The following CLRN1 variants were observed in gnomAD, a reference collection of about 807,000 sequenced individuals.
CLRN1 encodes clarin-1.
A neutral mutation model predicts 18.7 loss-of-function variants in CLRN1; 15 were observed. The observed-to-expected ratio is 0.80, with a 90% CI of 0.54 to 1.23. The LOEUF is 1.23. Among genes scored for constraint, CLRN1 ranks in the 50% most tolerant of loss-of-function variants. The probability of loss-of-function intolerance (pLI) is 0.00; values close to 1 mark genes in which losing one functional copy is unlikely to be tolerated. For synonymous variants in CLRN1, 104 were observed against 102.9 expected, an observed-to-expected ratio of 1.01 and a Z score of -0.07; for missense variants, 311 against 277.5, an observed-to-expected ratio of 1.12 and a Z score of -0.86.
At chr3:150,957,374 A>G (rs1714795167) in intron 1 of CLRN1, among the ~76,000 whole-genome samples, 1 of 152,022 alleles carries the variant, frequency 6.6e-6, no homozygotes, top group Non-Finnish European at 1.5e-5. Context: ...ATGATCTCCC[A>G]GTCCCTCCTT....
At chr3:150,968,812 G>C (rs1180203531) in intron 1 of CLRN1, among the ~76,000 whole-genome samples, 1 of 152,072 alleles carries the variant, frequency 6.6e-6, no homozygotes, top group Non-Finnish European at 1.5e-5. Flanking sequence ...CAATACAGTA[G>C]CCATAAAAAT....
chr3:150,955,802 T>G (rs766883869), intron 1 of CLRN1, among the ~76,000 whole-genome samples: 1 of 152,206 alleles, frequency 6.6e-6, no homozygotes, highest in African/African-American at 2.4e-5. Context: ...TGTTAGTTTG[T>G]CCCAAAGCCC....
At chr3:150,963,468 T>A (rs1201949332) in intron 1 of CLRN1, among the ~76,000 whole-genome samples, 1 of 152,110 alleles carries the variant, frequency 6.6e-6, no homozygotes, top group Non-Finnish European at 1.5e-5. Context: ...AGAATTAATA[T>A]CATGAAAATG....
intron 1 of CLRN1, chr3:150,945,646 C>T: frequency 7.8e-7 from 1 of 1,283,972 alleles, no homozygotes; most frequent in South Asian, 1.2e-5. Context: ...GGTCATTTGA[C>T]TGCTGATGTT....
In CLRN1 at chr3:150,927,416, C is replaced by CCTAAATAAGGTGAGTCACACCTCACCTTA; in HGVS notation, c.*519_*520insTAAGGTGAGGTGTGACTCACCTTATTTAG. ...CTGGAATTACAGGTGTGAGTCACCACGCCTGGCCTAAGAGTATACTTTAAA... is the reference window on the plus strand; with the variant it reads ...CTGGAATTACAGGTGTGAGTCACCACCTAAATAAGGTGAGTCACACCTCACCTTAGCCTGGCCTAAGAGTATACTTTAAA... On this transcript the variant is annotated 3_prime_UTR_variant, in exon 3 of 3. Coordinates refer to ENST00000327047, the MANE Select transcript of CLRN1 (RefSeq NM_174878.3). 2.2e-6 allele frequency: 1 copy of CCTAAATAAGGTGAGTCACACCTCACCTTA among 450,160 alleles called. No homozygotes were observed. Among genetic ancestry groups the CCTAAATAAGGTGAGTCACACCTCACCTTA allele is most frequent in the South Asian group, 1.6e-5 (1 of 63,310 alleles). The allele number at this position is 450,160 out of a possible 1,614,324, so 27.9% of individuals were successfully genotyped here.
At chr3:150,940,096 T>C (rs563396981) in intron 2 of CLRN1, among the ~76,000 whole-genome samples, 2 of 152,354 alleles carry the variant, frequency 1.3e-5, no homozygotes, top group South Asian at 2.1e-4. Flanking sequence ...CAAATTCATA[T>C]TGAATTGTCT....
intron 1 of CLRN1, among the ~76,000 whole-genome samples, chr3:150,950,417 A>G (rs1714419254): frequency 6.6e-6 from 1 of 152,242 alleles, no homozygotes; most frequent in Admixed American, 6.5e-5. Flanking sequence ...TATACATCTG[A>G]CAAAGGTCTA....
intron 2 of CLRN1, among the ~76,000 whole-genome samples, chr3:150,941,102 G>A (rs913978650): frequency 1.2e-4 from 18 of 151,124 alleles, no homozygotes; most frequent in African/African-American, 3.2e-4. Context: ...AGACAACCAC[G>A]ACCAACAGAT....
At chr3:150,934,476 A>T (rs1332693751) in intron 2 of CLRN1, among the ~76,000 whole-genome samples, 1 of 152,196 alleles carries the variant, frequency 6.6e-6, no homozygotes, top group Non-Finnish European at 1.5e-5. Flanking sequence ...AAATGGTAAC[A>T]AATACAATTT....
intron 2 of CLRN1, among the ~76,000 whole-genome samples, chr3:150,932,686 T>G (rs183930602): frequency 6.6e-6 from 1 of 152,216 alleles, no homozygotes; most frequent in Admixed American, 6.5e-5. Context: ...TCTAAAATTA[T>G]GTAAATGTCA....
intron 1 of CLRN1, among the ~76,000 whole-genome samples, chr3:150,947,033 T>C (rs1299271709): frequency 1.3e-5 from 2 of 151,904 alleles, no homozygotes; most frequent in African/African-American, 4.8e-5. Flanking sequence ...GAGTATTAGA[T>C]GATATTTTAT....
intron 1 of CLRN1, among the ~76,000 whole-genome samples, chr3:150,949,022 G>C (rs778996156): frequency 2.3e-4 from 35 of 152,100 alleles, no homozygotes; most frequent in African/African-American, 7.0e-4. Flanking sequence ...AATCAAGTAG[G>C]CTTCATCCCT....
chr3:150,943,377 A>G (rs1039529763), intron 1 of CLRN1, among the ~76,000 whole-genome samples: 8 of 152,298 alleles, frequency 5.3e-5, no homozygotes, highest in Middle Eastern at 3.4e-3. Context: ...TCCTCTGCCT[A>G]TAAATACCCC....
chr3:150,948,026 A>C (rs1351258174), intron 1 of CLRN1, among the ~76,000 whole-genome samples: 1 of 152,206 alleles, frequency 6.6e-6, no homozygotes, highest in Non-Finnish European at 1.5e-5. Flanking sequence ...AAGCTAGCAC[A>C]AGACAAGAAA....
rs1456739159 is a variant in CLRN1 at position 150,927,071 on chromosome 3, T to A, written c.*865A>T. On this transcript the variant is annotated 3_prime_UTR_variant, in exon 3 of 3. Coordinates refer to ENST00000327047, the MANE Select transcript of CLRN1 (RefSeq NM_174878.3). ...CCCTAATAAGTCATTTTGCATCAAA[T>A]GTACTAAGCAGAGATCATTTTTCAT... 3 of 895,098 alleles carry A rather than the reference T, an allele frequency of 3.4e-6. No individual in the cohort carries two copies. Among genetic ancestry groups the A allele is most frequent in the Non-Finnish European group, 5.3e-6 (3 of 563,342 alleles). The allele number at this position is 895,098 out of a possible 1,614,324, so 55.4% of individuals were successfully genotyped here.
chr3:150,945,377 T>G (rs1178704970), intron 1 of CLRN1, among the ~76,000 whole-genome samples: 1 of 151,750 alleles, frequency 6.6e-6, no homozygotes, highest in Non-Finnish European at 1.5e-5. Context: ...CAAGGAGGAG[T>G]AAGTAGTCAT....
downstream of CLRN1, chr3:150,926,496 T>G (rs756724367): frequency 4.4e-5 from 18 of 409,420 alleles, no homozygotes; most frequent in Non-Finnish European, 7.3e-5. Flanking sequence ...AAAAATCCCC[T>G]TTGTGGCTAG....
chr3:150,927,631 T>TACACAC lies in CLRN1; in HGVS notation c.*299_*304dup, dbSNP rs34027634. 50 of 473,314 alleles carry TACACAC rather than the reference T, an allele frequency of 1.1e-4. No homozygotes were observed. Among genetic ancestry groups the TACACAC allele is most frequent in the African/African-American group, 7.0e-4 (35 of 50,026 alleles). The allele number at this position is 473,314 out of a possible 1,614,324, so 29.3% of individuals were successfully genotyped here. A position where few individuals can be genotyped will look rare whatever the true frequency, so the allele number is the denominator to read the frequency against. On this transcript the variant is annotated 3_prime_UTR_variant, in exon 3 of 3. Coordinates refer to ENST00000327047, the MANE Select transcript of CLRN1 (RefSeq NM_174878.3). ...ATATCTTTTTGATAGGAAGACATCT[T>TACACAC]ACACACACACACACACACACACACA... is the stretch of plus-strand genomic sequence containing the variant.
At chr3:150,951,156 G>A (rs1290054292) in intron 1 of CLRN1, among the ~76,000 whole-genome samples, 2 of 152,102 alleles carry the variant, frequency 1.3e-5, no homozygotes, top group African/African-American at 4.8e-5. Flanking sequence ...ATGGAGGGTG[G>A]GAGGAGGGGG....
Sources: gnomAD v4.1 joint callset for allele counts (sites outside exome capture counted in the v4.1 genomes callset) on GRCh38, gnomAD v4.1.1 for gene constraint, MANE v1.5 for transcripts, NCBI Gene and HGNC (gene_info 2026-07-23, HGNC 2026-07-21) for gene names.